Variants in SLC44A1 observed in about 807,000 individuals in gnomAD.
SLC44A1 encodes solute carrier family 44 member 1.
Under a neutral mutation model 79.3 loss-of-function variants are expected in SLC44A1, and 26 were observed. That is an observed-to-expected ratio of 0.33 (90% CI 0.24 to 0.46). SLC44A1 has a LOEUF of 0.46. Among genes scored for constraint, SLC44A1 ranks in the 20% least tolerant of loss-of-function variants. SLC44A1 has a pLI of 1.00. For missense variants in SLC44A1, 688 were observed against 798.1 expected (o/e 0.86, Z 1.66); for synonymous variants, 263 against 286.2 (o/e 0.92, Z 0.82).
intron 1 of SLC44A1, among the ~76,000 whole-genome samples, chr9:105,253,282 A>G (rs1829630602): frequency 6.6e-6 from 1 of 152,224 alleles, no homozygotes; most frequent in Non-Finnish European, 1.5e-5. Flanking sequence ...CAGCAGGAAG[A>G]TGGAAAAATT....
intron 1 of SLC44A1, among the ~76,000 whole-genome samples, chr9:105,276,084 G>A (rs868010975): frequency 1.3e-5 from 2 of 152,092 alleles, no homozygotes; most frequent in African/African-American, 2.4e-5. Flanking sequence ...GGGATTACAG[G>A]TGTGAGCCTC....
intron 15 of SLC44A1, among the ~76,000 whole-genome samples, chr9:105,415,246 G>A (rs545172771): frequency 3.7e-4 from 56 of 152,316 alleles, no homozygotes; most frequent in Middle Eastern, 3.4e-3. Flanking sequence ...ACAGTTTTGA[G>A]AAATCAGTGT....
intron 1 of SLC44A1, among the ~76,000 whole-genome samples, chr9:105,285,478 C>T (rs1830452161): frequency 1.3e-5 from 2 of 152,320 alleles, no homozygotes; most frequent in East Asian, 3.9e-4. Context: ...CCCACTGTCT[C>T]ACGCGTCCAT....
At position 105,395,192 on chromosome 9, in the gene SLC44A1, C is replaced by T. The variant is rs905698442; in HGVS notation, c.*6136C>T. The stretch of plus-strand genomic sequence containing the variant: ...CAGCCCCCTACCCCACCCCACACTC[C>T]TAGAAAAGTTTGGGGGTTTTTTTTG... On this transcript the variant is annotated 3_prime_UTR_variant, in exon 16 of 16. Coordinates refer to ENST00000374720, the MANE Select transcript of SLC44A1 (RefSeq NM_080546.5). 1.0e-6 allele frequency: 1 copy of T among 985,048 alleles called. No individual in the cohort carries two copies. Among genetic ancestry groups the T allele is most frequent in the African/African-American group, 1.7e-5 (1 of 57,220 alleles). The allele number at this position is 985,048 out of a possible 1,614,324, so 61.0% of individuals were successfully genotyped here.
At chr9:105,266,097 A>G (rs1350774032) in intron 1 of SLC44A1, among the ~76,000 whole-genome samples, 2 of 152,140 alleles carry the variant, frequency 1.3e-5, no homozygotes, top group Non-Finnish European at 2.9e-5. Context: ...AGCTAGGCCT[A>G]TAGGTGTGTG....
chr9:105,352,657 A>G (rs1161451185), intron 5 of SLC44A1, among the ~76,000 whole-genome samples: 1 of 152,202 alleles, frequency 6.6e-6, no homozygotes, highest in African/African-American at 2.4e-5. Flanking sequence ...TTAATTAAGA[A>G]GCACAAAATG....
At chr9:105,373,464 G>A (rs1828177773) in intron 12 of SLC44A1, among the ~76,000 whole-genome samples, 1 of 152,190 alleles carries the variant, frequency 6.6e-6, no homozygotes, top group Admixed American at 6.5e-5. Flanking sequence ...GAGCACATGG[G>A]GCAGCAGAAG....
chr9:105,303,514 G>A (rs1830934706), intron 2 of SLC44A1, among the ~76,000 whole-genome samples: 1 of 152,114 alleles, frequency 6.6e-6, no homozygotes. Flanking sequence ...CTTACTATGA[G>A]CTAGACACTG....
chr9:105,369,847 A>G (rs1275410110), intron 12 of SLC44A1, among the ~76,000 whole-genome samples: 3 of 152,230 alleles, frequency 2.0e-5, no homozygotes, highest in Non-Finnish European at 4.4e-5. Flanking sequence ...CCTCTGCCCT[A>G]ACATATTTTC....
intron 13 of SLC44A1, among the ~76,000 whole-genome samples, chr9:105,380,416 A>T (rs1828426137): frequency 6.6e-6 from 1 of 152,022 alleles, no homozygotes; most frequent in Non-Finnish European, 1.5e-5. Flanking sequence ...TCCTGGGCTC[A>T]AGCAGTCCTC....
At chr9:105,277,441 TA>T (rs369575956) in intron 1 of SLC44A1, among the ~76,000 whole-genome samples, 29 of 152,296 alleles carry the variant, frequency 1.9e-4, no homozygotes, top group African/African-American at 6.5e-4. Flanking sequence ...GCCTGTTAGC[TA>T]ACTGGGTTTC....
intron 15 of SLC44A1, among the ~76,000 whole-genome samples, chr9:105,437,217 C>A (rs1241742764): frequency 6.6e-6 from 1 of 152,106 alleles, no homozygotes; most frequent in Non-Finnish European, 1.5e-5. Flanking sequence ...CTCTGTTAAA[C>A]ATGTATTTTA....
At chr9:105,437,582 A>T (rs1201821042) in intron 15 of SLC44A1, among the ~76,000 whole-genome samples, 1 of 152,136 alleles carries the variant, frequency 6.6e-6, no homozygotes, top group Non-Finnish European at 1.5e-5. Context: ...TTAGTCCTAA[A>T]TACTTCAATG....
Position 105,391,856 on chromosome 9 carries a change from A to T in SLC44A1, c.*2800A>T, listed in dbSNP as rs1651748956. 2 of 985,238 alleles carry T rather than the reference A, an allele frequency of 2.0e-6. No homozygotes were observed. Among genetic ancestry groups the T allele is most frequent in the Non-Finnish European group, 2.4e-6 (2 of 829,906 alleles). The allele number at this position is 985,238 out of a possible 1,614,324, so 61.0% of individuals were successfully genotyped here. A position where few individuals can be genotyped will look rare whatever the true frequency, so the allele number is the denominator to read the frequency against. ...GTGGTTTTTGTCTTCTTCTGTGGTG[A>T]ATCTTCAAAACTGTATTCAGGACTC... On this transcript the variant is annotated 3_prime_UTR_variant, in exon 16 of 16. Coordinates refer to ENST00000374720, the MANE Select transcript of SLC44A1 (RefSeq NM_080546.5).
intron 15 of SLC44A1, among the ~76,000 whole-genome samples, chr9:105,410,919 G>A (rs935668572): frequency 6.6e-6 from 1 of 152,102 alleles, no homozygotes. Context: ...ATGCTAAGGG[G>A]AAAAAGCCAG....
downstream of SLC44A1, among the ~76,000 whole-genome samples, chr9:105,397,903 G>T (rs1484443285): frequency 6.6e-6 from 1 of 151,862 alleles, no homozygotes; most frequent in African/African-American, 2.4e-5. Context: ...AGCCAAGATC[G>T]CATCACCGCA....
chr9:105,395,254 C>A lies in SLC44A1; in HGVS notation c.*6198C>A. The A allele has an allele frequency of 1.1e-6, 1 of 902,626 alleles. No homozygotes were observed. Among genetic ancestry groups the A allele is most frequent in the Non-Finnish European group, 1.3e-6 (1 of 754,566 alleles). 55.9% of individuals were successfully genotyped at this position (902,626 alleles called of 1,614,324 possible). On this transcript the variant is annotated 3_prime_UTR_variant, in exon 16 of 16. Coordinates refer to ENST00000374720, the MANE Select transcript of SLC44A1 (RefSeq NM_080546.5). ...TGTTTTTTTGAGACGGAGTCTCGCT[C>A]TATCGCCAGCTTAGAGTGCAGTGGC...
chr9:105,328,347 A>T lies in SLC44A1; in HGVS notation c.270-7216A>T, dbSNP rs1333459894. On this transcript the variant is annotated intron_variant, in intron 3 of 15. Coordinates refer to ENST00000374720, the MANE Select transcript of SLC44A1 (RefSeq NM_080546.5). ...CATCAGAGTGGAAAGTTGGCGTTTT[A>T]GACAGGCTGGCCAGCAAAGGCTTCA... Among the ~76,000 whole-genome samples, 3 of 152,240 alleles carry T rather than the reference A, an allele frequency of 2.0e-5. No individual in the cohort carries two copies. In the East Asian group the frequency reaches 5.8e-4, roughly 29 times the overall value.
chr9:105,355,511 A>G (rs542923679), intron 5 of SLC44A1, among the ~76,000 whole-genome samples: 6 of 152,346 alleles, frequency 3.9e-5, no homozygotes, highest in African/African-American at 1.4e-4. Flanking sequence ...TCTCATGATT[A>G]TGTGTAATCT....
Sources: gnomAD v4.1 joint callset for allele counts (sites outside exome capture counted in the v4.1 genomes callset) on GRCh38, gnomAD v4.1.1 for gene constraint, MANE v1.5 for transcripts, NCBI Gene and HGNC (gene_info 2026-07-23, HGNC 2026-07-21) for gene names.